CMSS1: variants seen among roughly 807,000 people sequenced by gnomAD.
The protein encoded by CMSS1 is protein CMSS1.
CMSS1 carries 33 observed loss-of-function variants against 43.5 expected under a neutral mutation model. The observed-to-expected ratio is 0.76, with a 90% CI of 0.57 to 1.01. The LOEUF is 1.01. Among genes scored for constraint, CMSS1 ranks in the 50% least tolerant of loss-of-function variants. The probability of loss-of-function intolerance (pLI) is 0.00; values close to 1 mark genes in which losing one functional copy is unlikely to be tolerated. For missense variants in CMSS1, 313 were observed against 326.4 expected (o/e 0.96, Z 0.32); for synonymous variants, 115 against 117.2 (o/e 0.98, Z 0.12).
chr3:99,879,202 T>C (rs1338960806), intron 1 of CMSS1, among the ~76,000 whole-genome samples: 1 of 152,220 alleles, frequency 6.6e-6, no homozygotes, highest in African/African-American at 2.4e-5. Flanking sequence ...GAAATTTTTC[T>C]ACCAAGTTCA....
In CMSS1 at chr3:100,167,827, C is replaced by G. The variant is rs538073423; in HGVS notation, c.505C>G (p.Leu169Val). The change falls in exon 6 of 10, where the codon CTG (leucine) becomes GTG (valine). Residue 169 changes from leucine (L) to valine (V), a missense_variant. Leu to Val is a conservative substitution (Grantham distance 32). Transcript: ENST00000421999. ...LIICSSAVRA[L>V]ELIRSMTAFR... ...CATCTGCAGCTCGGCCGTCCGAGCC[C>G]TGGAGCTCATTAGGTTGGAAGGTTC... The G allele has an allele frequency of 6.2e-7, 1 of 1,610,596 alleles. No individual in the cohort carries two copies. The highest frequency in any genetic ancestry group is 1.3e-5 in the African/African-American group (1 of 74,910).
At chr3:100,031,457 A>G (rs1476752212) in intron 1 of CMSS1, among the ~76,000 whole-genome samples, 1 of 152,068 alleles carries the variant, frequency 6.6e-6, no homozygotes, top group Non-Finnish European at 1.5e-5. Flanking sequence ...ATGGTGATCT[A>G]GTAAGTGAGT....
chr3:99,819,798 A>G (rs948449546), intron 1 of CMSS1, among the ~76,000 whole-genome samples: 2 of 140,568 alleles, frequency 1.4e-5, no homozygotes, highest in Non-Finnish European at 3.0e-5. Context: ...TCTGTCGCCC[A>G]GGCTGGAGTG....
intron 1 of CMSS1, among the ~76,000 whole-genome samples, chr3:100,001,494 A>G (rs1709841234): frequency 6.6e-6 from 1 of 152,206 alleles, no homozygotes; most frequent in Non-Finnish European, 1.5e-5. Flanking sequence ...AGCCCAGTTT[A>G]TGAGAATGTA....
chr3:100,075,092 T>C (rs1274478047), intron 1 of CMSS1, among the ~76,000 whole-genome samples: 3 of 152,196 alleles, frequency 2.0e-5, no homozygotes, highest in Non-Finnish European at 4.4e-5. Flanking sequence ...TTGGTCTATG[T>C]TAGTTCCCTT....
At chr3:100,058,753 A>T (rs1352151237) in intron 1 of CMSS1, among the ~76,000 whole-genome samples, 1 of 152,238 alleles carries the variant, frequency 6.6e-6, no homozygotes, top group Non-Finnish European at 1.5e-5. Context: ...CAGTAGAAGG[A>T]GGACGCTGTA....
At chr3:100,102,179 C>T (rs1250169919) in intron 1 of CMSS1, among the ~76,000 whole-genome samples, 8 of 152,152 alleles carry the variant, frequency 5.3e-5, no homozygotes, top group African/African-American at 1.7e-4. Flanking sequence ...AGTTCTAGAT[C>T]CCTGAGGAAT....
intron 1 of CMSS1, among the ~76,000 whole-genome samples, chr3:100,109,619 A>C (rs909995720): frequency 4.6e-5 from 7 of 152,150 alleles, no homozygotes; most frequent in Non-Finnish European, 7.4e-5. Context: ...TTCAATTGGC[A>C]TAATGCAATT....
chr3:100,118,971 G>A (rs1258520340), intron 1 of CMSS1, among the ~76,000 whole-genome samples: 1 of 152,154 alleles, frequency 6.6e-6, no homozygotes, highest in Non-Finnish European at 1.5e-5. Flanking sequence ...TTTGGTGGTC[G>A]TGTTGTTGTT....
At chr3:99,818,074 G>T in intron 1 of CMSS1, 31 bp downstream of exon 1, 3 of 1,605,826 alleles carry the variant, frequency 1.9e-6, no homozygotes, top group Non-Finnish European at 2.6e-6. Context: ...CTCCTACGGG[G>T]CCTCTCCCGG....
intron 1 of CMSS1, among the ~76,000 whole-genome samples, chr3:100,089,603 A>G (rs2066069153): frequency 6.6e-6 from 1 of 152,198 alleles, no homozygotes; most frequent in African/African-American, 2.4e-5. Flanking sequence ...AGAACTAAGC[A>G]TTTCCCATTA....
chr3:100,126,016 T>A (rs373347918), intron 1 of CMSS1, among the ~76,000 whole-genome samples: 7 of 152,312 alleles, frequency 4.6e-5, no homozygotes, highest in East Asian at 3.9e-4. Context: ...ATTTACAAAA[T>A]AAGATATAAC....
intron 1 of CMSS1, among the ~76,000 whole-genome samples, chr3:100,098,234 A>G (rs2066244886): frequency 6.6e-6 from 1 of 152,208 alleles, no homozygotes; most frequent in African/African-American, 2.4e-5. Flanking sequence ...ACTACACGGT[A>G]CCTGTATTGG....
At chr3:99,962,512 T>C (rs1480090623) in intron 1 of CMSS1, among the ~76,000 whole-genome samples, 1 of 152,230 alleles carries the variant, frequency 6.6e-6, no homozygotes, top group African/African-American at 2.4e-5. Flanking sequence ...AGCATGACCA[T>C]TTCTCCAGCA....
chr3:99,835,121 C>T lies in CMSS1; in HGVS notation c.64+17078C>T, dbSNP rs76225964. Among the ~76,000 whole-genome samples the T allele has an allele frequency of 6.0e-4, 92 of 152,272 alleles. 1 individual carries two copies. In the East Asian group the frequency reaches 0.017, roughly 28 times the overall value. On this transcript the variant is annotated intron_variant, in intron 1 of 9. Coordinates refer to ENST00000421999, the MANE Select transcript of CMSS1 (RefSeq NM_032359.4). ...CTTGTTTTCCTGCTTTATCTCTCAA[C>T]TTTCCTCTCTCTCCAATTATTTATA... is the stretch of plus-strand genomic sequence containing the variant.
rs1433495602 is a variant in CMSS1 at position 100,167,724 on chromosome 3, G to A, written c.416-14G>A. 1.9e-6 allele frequency: 3 copies of A among 1,573,212 alleles called. No individual in the cohort carries two copies. Among genetic ancestry groups the A allele is most frequent in the Admixed American group, 1.8e-5 (1 of 56,746 alleles). On this transcript the variant is annotated splice_polypyrimidine_tract_variant and intron_variant, in intron 5 of 9. Transcript: ENST00000421999. ...GCCATATTTCAAATAATTGTTTTCTGTTCTTTTTTCCAGTTTGTCCTAAGT... is the reference window on the plus strand; with the variant it reads ...GCCATATTTCAAATAATTGTTTTCTATTCTTTTTTCCAGTTTGTCCTAAGT...
intron 1 of CMSS1, among the ~76,000 whole-genome samples, chr3:99,870,661 T>C (rs1416104989): frequency 5.3e-5 from 8 of 152,210 alleles, no homozygotes; most frequent in Non-Finnish European, 1.2e-4. Context: ...TGTTTGCTAC[T>C]GCTGAGGAGA....
At chr3:99,825,775 C>CTTTTTTTTTTTTTTTTTT (rs897686337) in intron 1 of CMSS1, among the ~76,000 whole-genome samples, 2 of 121,612 alleles carry the variant, frequency 1.6e-5, no homozygotes, top group African/African-American at 3.1e-5. Context: ...TTTTCTTTTT[C>CTTTTTTTTTTTTTTTTTT]TTTTTTTTTT....
At chr3:99,841,383 C>T (rs1943124110) in intron 1 of CMSS1, among the ~76,000 whole-genome samples, 1 of 152,178 alleles carries the variant, frequency 6.6e-6, no homozygotes, top group Admixed American at 6.5e-5. Context: ...AACCAACCAC[C>T]TTTGCCTTTT....
Sources: allele counts gnomAD v4.1 joint callset (sites outside exome capture counted in the v4.1 genomes callset), GRCh38; gene constraint gnomAD v4.1.1; transcripts MANE v1.5; gene names NCBI Gene and HGNC (gene_info 2026-07-23, HGNC 2026-07-21).